ADAMDEC1: variants seen among roughly 807,000 people sequenced by gnomAD.
ADAMDEC1 encodes ADAM like decysin 1, also known as ADAM DEC1.
A neutral mutation model predicts 60.4 loss-of-function variants in ADAMDEC1; 62 were observed. The observed-to-expected ratio is 1.03, with a 90% CI of 0.84 to 1.27. The LOEUF is 1.27. Among genes scored for constraint, ADAMDEC1 ranks in the 50% most tolerant of loss-of-function variants. The pLI, the probability that ADAMDEC1 is intolerant of heterozygous loss-of-function variation, is 0.00. For missense variants in ADAMDEC1, 595 were observed against 565.0 expected, an observed-to-expected ratio of 1.05 and a Z score of -0.54; for synonymous variants, 210 against 195.1, an observed-to-expected ratio of 1.08 and a Z score of -0.64.
intron 1 of ADAMDEC1, 151 bp downstream of exon 1, chr8:24,384,743 G>A (rs1050089642): frequency 1.1e-5 from 7 of 635,988 alleles, no homozygotes; most frequent in Admixed American, 3.3e-5. Flanking sequence ...CTGCAAAAGC[G>A]AACTATATAT....
chr8:24,392,453 G>C (rs1040772795), intron 2 of ADAMDEC1, 73 bp downstream of exon 2: 13 of 1,097,922 alleles, frequency 1.2e-5, no homozygotes, highest in Non-Finnish European at 1.7e-5. Context: ...TTCACTAACA[G>C]AAGTGATGTT....
chr8:24,397,229 T>G (rs1817636339), intron 5 of ADAMDEC1, 41 bp from the exon 6 acceptor site: 6 of 1,551,034 alleles, frequency 3.9e-6, no homozygotes, highest in African/African-American at 1.4e-5. Flanking sequence ...TATGACACTG[T>G]GTGTCAGGAA....
At chr8:24,402,779 CTTCAGT>C (rs1817796666) in intron 12 of ADAMDEC1, among the ~76,000 whole-genome samples, 1 of 152,086 alleles carries the variant, frequency 6.6e-6, no homozygotes, top group East Asian at 1.9e-4. Flanking sequence ...ACTCTCTATG[CTTCAGT>C]TTATGTATTC....
At chr8:24,389,448 TCAC>T (rs1166575728) in intron 1 of ADAMDEC1, among the ~76,000 whole-genome samples, 1 of 152,164 alleles carries the variant, frequency 6.6e-6, no homozygotes, top group Admixed American at 6.5e-5. Flanking sequence ...TTCATCTAAG[TCAC>T]CACCACCTCT....
Position 24,398,480 on chromosome 8 carries a change from T to C in ADAMDEC1, c.691T>C (p.Tyr231His), listed in dbSNP as rs1345374099. 6.4e-7 allele frequency: 1 copy of C among 1,560,948 alleles called. No individual in the cohort carries two copies. The highest frequency in any genetic ancestry group is 1.1e-5 in the South Asian group (1 of 88,802). The change falls in exon 8 of 14, where the codon TAT becomes CAT. Residue 231 changes from tyrosine (Y) to histidine (H), a missense_variant and splice_region_variant. Coordinates refer to ENST00000256412, the MANE Select transcript of ADAMDEC1 (RefSeq NM_014479.3). ...ATACTTTGTGTTTTGTATTTTACAGTATAAGAACTATAATGAGAATCTAAC... is the reference window on the plus strand; with the variant it reads ...ATACTTTGTGTTTTGTATTTTACAGCATAAGAACTATAATGAGAATCTAAC... The part of the protein sequence containing the change: ...DLYLVLDNAF[Y>H]KNYNENLTLI...
At position 24,392,299 on chromosome 8, in the gene ADAMDEC1, T is replaced by A; in HGVS notation, c.126T>A (p.His42Gln). The A allele has an allele frequency of 6.2e-7, 1 of 1,611,552 alleles. No individual in the cohort carries two copies. The highest frequency in any genetic ancestry group is 8.5e-7 in the Non-Finnish European group (1 of 1,178,794). ...AIKQTPELTL[H>Q]EIVCPKKLHI... Reference sequence around the variant, plus strand: ...AGCAAACACCTGAATTAACGCTCCATGAAATAGTTTGTCCTAAAAAACTTC... The same window carrying A: ...AGCAAACACCTGAATTAACGCTCCAAGAAATAGTTTGTCCTAAAAAACTTC... Residue 42 changes from histidine to glutamine, a missense_variant, in exon 2 of 14, where the codon CAT becomes CAA. Transcript: ENST00000256412.
At position 24,402,031 on chromosome 8, in the gene ADAMDEC1, C is replaced by T; in HGVS notation, c.1259C>T (p.Thr420Ile). 6.2e-7 allele frequency: 1 copy of T among 1,613,204 alleles called. No individual in the cohort carries two copies. Among genetic ancestry groups the T allele is most frequent in the Non-Finnish European group, 8.5e-7 (1 of 1,179,372 alleles). The change falls in exon 12 of 14, where the codon ACA becomes ATA. Residue 420 changes from threonine (T) to isoleucine (I), a missense_variant. Thr to Ile is a moderately conservative substitution (Grantham distance 89). Coordinates refer to ENST00000256412, the MANE Select transcript of ADAMDEC1 (RefSeq NM_014479.3). ...CCTATTCCTACAAATATAATGACAA[C>T]ACCAGTGTGTGGGAACCACCTTCTA... is the stretch of plus-strand genomic sequence containing the variant. ...QAPIPTNIMT[T>I]PVCGNHLLEV...
At chr8:24,398,744 A>T (rs552267810) in intron 8 of ADAMDEC1, 130 bp from the exon 9 acceptor site, 68 of 1,120,540 alleles carry the variant, frequency 6.1e-5, no homozygotes, top group Admixed American at 2.2e-4. Context: ...AACTTTTAAA[A>T]TTTTTACTTT....
In ADAMDEC1 at chr8:24,392,395, T is replaced by C. The variant is rs1485737427; in HGVS notation, c.207+15T>C. 4 of 1,558,850 alleles carry C rather than the reference T, an allele frequency of 2.6e-6. No homozygotes were observed. The highest frequency in any genetic ancestry group is 3.5e-6 in the Non-Finnish European group (4 of 1,135,584). ...ATGGCAAAGAGGTAAGCAAGGTGAA[T>C]GACCGTGGTAGATGTTACAATCATC... is the stretch of plus-strand genomic sequence containing the variant. On this transcript the variant is annotated intron_variant, in intron 2 of 13. Transcript: ENST00000256412.
chr8:24,395,099 G>A (rs1817572967), intron 4 of ADAMDEC1, among the ~76,000 whole-genome samples: 1 of 152,190 alleles, frequency 6.6e-6, no homozygotes, highest in Non-Finnish European at 1.5e-5. Flanking sequence ...AATCATGTCT[G>A]AATCTCTAAT....
In ADAMDEC1 at chr8:24,399,018, C is replaced by T. The variant is rs775998306; in HGVS notation, c.907C>T (p.His303Tyr). Residue 303 changes from histidine to tyrosine, a missense_variant, in exon 9 of 14, where the codon CAC becomes TAC. By Grantham distance (83) the His-to-Tyr change is moderately conservative. Coordinates refer to ENST00000256412, the MANE Select transcript of ADAMDEC1 (RefSeq NM_014479.3). ...WHSSNLGKKI[H>Y]DHAQLLSGIS... ...CAGTTCTAACCTGGGGAAAAAGATC[C>T]ACGACCATGCTCAGCTTCTCAGGTG... The T allele has an allele frequency of 5.0e-5, 80 of 1,613,104 alleles. No individual in the cohort carries two copies. Among genetic ancestry groups the T allele is most frequent in the Non-Finnish European group, 6.6e-5 (78 of 1,179,622 alleles).
intron 7 of ADAMDEC1, 22 bp from the exon 8 acceptor site, chr8:24,398,458 C>G: frequency 7.0e-7 from 1 of 1,430,208 alleles, no homozygotes. Context: ...TTTCACTATA[C>G]TTTGTGTTTT....
At chr8:24,396,597 T>A (rs1344171716) in intron 5 of ADAMDEC1, among the ~76,000 whole-genome samples, 1 of 152,224 alleles carries the variant, frequency 6.6e-6, no homozygotes, top group Admixed American at 6.5e-5. Context: ...TTGTCATGTT[T>A]GCACCCTTAT....
Position 24,392,251 on chromosome 8 carries a change from T to C in ADAMDEC1, c.89-11T>C, listed in dbSNP as rs779027708. On this transcript the variant is annotated splice_polypyrimidine_tract_variant and intron_variant, in intron 1 of 13. Transcript: ENST00000256412. ...AAATCTTTTATGTGAATATTATTTC[T>C]CTTTCTCTAGCAATAGCCATAAAGC... is the stretch of plus-strand genomic sequence containing the variant. 1 of 1,567,018 alleles carries C rather than the reference T, an allele frequency of 6.4e-7. No homozygotes were observed. The highest frequency in any genetic ancestry group is 8.7e-7 in the Non-Finnish European group (1 of 1,150,626).
At chr8:24,404,260 T>C (rs1471213771) in intron 13 of ADAMDEC1, among the ~76,000 whole-genome samples, 172 bp downstream of exon 13, 1 of 152,178 alleles carries the variant, frequency 6.6e-6, no homozygotes, top group African/African-American at 2.4e-5. Context: ...TGACTAAGGA[T>C]TGTAGACAAA....
intron 1 of ADAMDEC1, chr8:24,390,087 C>A: frequency 2.2e-6 from 1 of 451,726 alleles, no homozygotes; most frequent in Non-Finnish European, 4.4e-6. Flanking sequence ...TTTATAAGAG[C>A]ATGGATCAAT....
Position 24,405,589 on chromosome 8 carries a change from C to T in ADAMDEC1, c.*291C>T. 2.8e-6 allele frequency: 1 copy of T among 360,452 alleles called. No homozygotes were observed. The highest frequency in any genetic ancestry group is 4.9e-6 in the Non-Finnish European group (1 of 202,372). 22.3% of individuals were successfully genotyped at this position (360,452 alleles called of 1,614,324 possible). On this transcript the variant is annotated 3_prime_UTR_variant, in exon 14 of 14. Coordinates refer to ENST00000256412, the MANE Select transcript of ADAMDEC1 (RefSeq NM_014479.3). Reference sequence around the variant, plus strand: ...TGGAGAACAAAAGAAAGCAGTCTTCCATCAAATCACCTTAAAATGCACGGC... The same window carrying T: ...TGGAGAACAAAAGAAAGCAGTCTTCTATCAAATCACCTTAAAATGCACGGC...
chr8:24,397,892 A>G (rs1817657332), intron 7 of ADAMDEC1, 147 bp downstream of exon 7: 2 of 674,166 alleles, frequency 3.0e-6, no homozygotes, highest in Non-Finnish European at 5.0e-6. Context: ...CTTGCCAGCA[A>G]TAGTTATCTC....
chr8:24,396,736 T>C (rs1817623718), intron 5 of ADAMDEC1, among the ~76,000 whole-genome samples: 1 of 152,204 alleles, frequency 6.6e-6, no homozygotes, highest in African/African-American at 2.4e-5. Flanking sequence ...AGGGATATAA[T>C]TTTGAACAGT....
Sources: gnomAD v4.1 joint callset for allele counts (sites outside exome capture counted in the v4.1 genomes callset) on GRCh38, gnomAD v4.1.1 for gene constraint, MANE v1.5 for transcripts, NCBI Gene and HGNC (gene_info 2026-07-23, HGNC 2026-07-21) for gene names.